GABRG3: variants seen among roughly 807,000 people sequenced by gnomAD.
GABRG3 encodes gamma-aminobutyric acid receptor subunit gamma-3.
Under a neutral mutation model 48.8 loss-of-function variants are expected in GABRG3, and 25 were observed. That is an observed-to-expected ratio of 0.51 (90% CI 0.37 to 0.72). The LOEUF (loss-of-function observed/expected upper bound fraction) is 0.72, where lower values mean the gene tolerates loss of function less well. GABRG3 is among the 30% of genes least tolerant of loss of function. The pLI is 0.00. For missense variants in GABRG3, 394 were observed against 577.9 expected, an observed-to-expected ratio of 0.68 and a Z score of 3.26; for synonymous variants, 227 against 217.6, an observed-to-expected ratio of 1.04 and a Z score of -0.38.
chr15:27,013,728 T>C (rs968160729), intron 2 of GABRG3, among the ~76,000 whole-genome samples: 1 of 152,180 alleles, frequency 6.6e-6, no homozygotes, highest in Non-Finnish European at 1.5e-5. Context: ...TTGGTCTCTA[T>C]ATCTGTCTTT....
chr15:27,286,892 C>T (rs1404570017), intron 3 of GABRG3, among the ~76,000 whole-genome samples: 1 of 152,190 alleles, frequency 6.6e-6, no homozygotes, highest in African/African-American at 2.4e-5. Context: ...CCTACTCTCT[C>T]CCTCCAGATC....
At chr15:27,237,413 A>G (rs1890007085) in intron 3 of GABRG3, among the ~76,000 whole-genome samples, 2 of 152,248 alleles carry the variant, frequency 1.3e-5, no homozygotes, top group South Asian at 4.1e-4. Context: ...AAATGTGTCC[A>G]GTCCTGGGCT....
At chr15:27,307,827 TAAAC>T (rs1892705465) in intron 3 of GABRG3, among the ~76,000 whole-genome samples, 1 of 116,194 alleles carries the variant, frequency 8.6e-6, no homozygotes, top group Non-Finnish European at 1.7e-5. Context: ...AAAATAAACA[TAAAC>T]ATATATAAAA....
intron 3 of GABRG3, among the ~76,000 whole-genome samples, chr15:27,190,642 G>A (rs550593428): frequency 3.8e-4 from 57 of 151,692 alleles, no homozygotes; most frequent in Middle Eastern, 3.4e-3. Context: ...TCTTGCTAGC[G>A]GTCTATCAAT....
At chr15:27,525,188 AC>A (rs201825724) in intron 7 of GABRG3, among the ~76,000 whole-genome samples, 81,224 of 149,134 alleles carry the variant, frequency 0.54, 22,018 homozygotes, top group East Asian at 0.65. Context: ...TGAAAAAAAA[AC>A]AAAGCCAATA....
chr15:27,501,474 C>G (rs776848679), intron 6 of GABRG3, among the ~76,000 whole-genome samples: 1 of 152,084 alleles, frequency 6.6e-6, no homozygotes, highest in African/African-American at 2.4e-5. Context: ...TGTCAGTCAC[C>G]TCAGAGATGT....
chr15:27,374,837 G>A (rs1220705094), intron 5 of GABRG3, among the ~76,000 whole-genome samples: 3 of 152,164 alleles, frequency 2.0e-5, no homozygotes, highest in East Asian at 3.9e-4. Flanking sequence ...CTGTAGGAGA[G>A]AAGGGAAAAC....
chr15:27,181,149 T>G (rs1887917586), intron 3 of GABRG3, among the ~76,000 whole-genome samples: 1 of 152,130 alleles, frequency 6.6e-6, no homozygotes, highest in African/African-American at 2.4e-5. Flanking sequence ...GAGGAGCAGT[T>G]TGTGGCAAGC....
chr15:27,252,892 C>G (rs1890504423), intron 3 of GABRG3, among the ~76,000 whole-genome samples: 1 of 152,222 alleles, frequency 6.6e-6, no homozygotes, highest in Non-Finnish European at 1.5e-5. Flanking sequence ...GTCTCCAACA[C>G]CGGCTTTGTT....
intron 3 of GABRG3, among the ~76,000 whole-genome samples, chr15:27,092,285 C>T (rs534136010): frequency 2.6e-5 from 4 of 152,284 alleles, no homozygotes; most frequent in Admixed American, 6.5e-5. Context: ...GGGATGGTCT[C>T]CCAGATTTGA....
rs139569649 is a variant in GABRG3, at chr15:27,440,234, G to A, written c.575-40416G>A. On this transcript the variant is annotated intron_variant, in intron 5 of 9. Transcript: ENST00000615808. ...TAGAATAACCATGAAAGATCTTTCC[G>A]CGTTGTACATGGGAACAAACCAGCT... Among the ~76,000 whole-genome samples the A allele has an allele frequency of 9.2e-5, 14 of 152,264 alleles. No homozygotes were observed. The East Asian group carries it at 2.1e-3, about 23-fold the overall frequency.
chr15:27,076,843 A>G (rs922047853), intron 3 of GABRG3, among the ~76,000 whole-genome samples: 1 of 152,196 alleles, frequency 6.6e-6, no homozygotes, highest in African/African-American at 2.4e-5. Context: ...CCCTACCAGC[A>G]CTTTGATTTA....
intron 3 of GABRG3, among the ~76,000 whole-genome samples, chr15:27,033,627 G>A (rs531014954): frequency 6.6e-6 from 1 of 152,050 alleles, no homozygotes; most frequent in Non-Finnish European, 1.5e-5. Flanking sequence ...TACGAATTAT[G>A]TATTTCTTTT....
chr15:27,011,968 A>G (rs970361231), intron 2 of GABRG3, among the ~76,000 whole-genome samples: 1 of 152,150 alleles, frequency 6.6e-6, no homozygotes, highest in Non-Finnish European at 1.5e-5. Flanking sequence ...CATTGAGTTC[A>G]GTAGTGGTGG....
At chr15:27,247,296 C>G (rs1412365247) in intron 3 of GABRG3, among the ~76,000 whole-genome samples, 1 of 152,062 alleles carries the variant, frequency 6.6e-6, no homozygotes, top group Non-Finnish European at 1.5e-5. Context: ...CCTTGCCCCT[C>G]TAACCCTCGG....
chr15:27,541,499 C>T lies in GABRG3; in HGVS notation c.*8618C>T, dbSNP rs2150869906. 6.6e-6 allele frequency: 1 copy of T among 152,394 alleles called. No individual in the cohort carries two copies. Among genetic ancestry groups the T allele is most frequent in the South Asian group, 2.1e-4 (1 of 4,824 alleles). The allele number at this position is 152,394 out of a possible 1,614,324, so 9.4% of individuals were successfully genotyped here. On this transcript the variant is annotated 3_prime_UTR_variant, in exon 10 of 10. Coordinates refer to ENST00000615808, the MANE Select transcript of GABRG3 (RefSeq NM_033223.5). ...CATGGAATCCTTCCTGCCTGTGAAGCCATTGTCCTCCAGATGGGAGGTAGG... is the reference window on the plus strand; with the variant it reads ...CATGGAATCCTTCCTGCCTGTGAAGTCATTGTCCTCCAGATGGGAGGTAGG...
chr15:27,306,521 ATAAT>A lies in GABRG3; in HGVS notation c.271-20287_271-20284del, dbSNP rs1465165212. ...AACATATGTCTATATATAAACATAT[ATAAT>A]ATAAACATAAACATATAATATAAAC... On this transcript the variant is annotated intron_variant, in intron 3 of 9. Transcript: ENST00000615808. 8.6e-3 allele frequency among the ~76,000 whole-genome samples: 1,186 copies of A among 138,312 alleles called. 67 individuals are homozygous for A. The highest frequency in any genetic ancestry group is 0.03 in the African/African-American group (1,114 of 37,372). 90.7% of individuals were successfully genotyped at this position (138,312 alleles called of 152,430 possible). A position where few individuals can be genotyped will look rare whatever the true frequency, so the allele number is the denominator to read the frequency against.
chr15:27,448,624 A>T (rs1211959076), intron 5 of GABRG3, among the ~76,000 whole-genome samples: 1 of 152,222 alleles, frequency 6.6e-6, no homozygotes, highest in Non-Finnish European at 1.5e-5. Context: ...AAAGGTAGGG[A>T]TTTCTGTTAT....
intron 5 of GABRG3, among the ~76,000 whole-genome samples, chr15:27,423,256 A>C (rs1888185029): frequency 6.6e-6 from 1 of 151,016 alleles, no homozygotes; most frequent in Non-Finnish European, 1.5e-5. Context: ...AAAAAAAAAA[A>C]AAAAAAAAAC....
Sources: allele counts gnomAD v4.1 joint callset (sites outside exome capture counted in the v4.1 genomes callset), GRCh38; gene constraint gnomAD v4.1.1; transcripts MANE v1.5; gene names NCBI Gene and HGNC (gene_info 2026-07-23, HGNC 2026-07-21).